Variants in KCNC4 observed in about 807,000 individuals in gnomAD.
KCNC4 encodes voltage-gated potassium channel KCNC4.
A neutral mutation model predicts 42.8 loss-of-function variants in KCNC4; 23 were observed. The ratio of observed to expected loss-of-function variants is 0.54; its 90% CI spans 0.39 to 0.76. The LOEUF (loss-of-function observed/expected upper bound fraction) is 0.76. KCNC4 is among the 30% of genes least tolerant of loss of function. The probability of loss-of-function intolerance (pLI) is 0.00; values close to 1 mark genes in which losing one functional copy is unlikely to be tolerated. For synonymous variants in KCNC4, 422 were observed against 393.5 expected (o/e 1.07, Z -0.86); for missense variants, 751 against 898.2 (o/e 0.84, Z 2.10).
intron 1 of KCNC4, among the ~76,000 whole-genome samples, chr1:110,265,848 C>T (rs921018848): frequency 6.6e-6 from 1 of 152,138 alleles, no homozygotes; most frequent in Non-Finnish European, 1.5e-5. Context: ...GTTGACCCTC[C>T]CAAGTGACTT....
chr1:110,214,441 G>A (rs1340861753), intron 1 of KCNC4, among the ~76,000 whole-genome samples: 3 of 152,196 alleles, frequency 2.0e-5, no homozygotes, highest in South Asian at 4.2e-4. Context: ...ACCTGCTCCC[G>A]GGACACACAA....
downstream of KCNC4, among the ~76,000 whole-genome samples, chr1:110,251,612 G>C (rs1393162178): frequency 6.6e-6 from 1 of 152,224 alleles, no homozygotes; most frequent in Non-Finnish European, 1.5e-5. Context: ...AGTAGAAAGT[G>C]ACAGAATTTG....
chr1:110,240,191 TC>T (rs1165453542), exon 4 of KCNC4: 18 of 152,166 alleles, frequency 1.2e-4, no homozygotes, highest in African/African-American at 4.1e-4. Flanking sequence ...CTTCCAGTCT[TC>T]CTGGACTCGG....
intron 1 of KCNC4, among the ~76,000 whole-genome samples, chr1:110,279,214 G>A (rs547008118): frequency 6.6e-6 from 1 of 152,298 alleles, no homozygotes; most frequent in African/African-American, 2.4e-5. Context: ...CATTGAGCTG[G>A]AGCATGGCTA....
At position 110,226,039 on chromosome 1, in the gene KCNC4, A is replaced by C. The variant is rs945183018; in HGVS notation, c.1680A>C (p.Gln560His). 6.2e-7 allele frequency: 1 copy of C among 1,613,160 alleles called. No individual in the cohort carries two copies. The highest frequency in any genetic ancestry group is 1.1e-5 in the South Asian group (1 of 90,992). ...ATGAGGAGGGAGCTGGCCTCACCCA[A>C]CCCCTGGCCTCCTCCCCGACCCCCG... The part of the protein sequence containing the change: ...LSDEEGAGLT[Q>H]PLASSPTPEE... Residue 560 changes from glutamine to histidine, a missense_variant, in exon 3 of 4, where the codon CAA becomes CAC. Physicochemically the swap from Gln to His is conservative, Grantham distance 24 (BLOSUM62 0). Around this residue, in one of 4 missense-constraint regions of KCNC4, gnomAD observed 202 missense variants for 181.5 expected, o/e 1.11. Transcript: ENST00000438661.
Position 110,232,980 on chromosome 1 carries a change from C to G in KCNC4, c.*8C>G, listed in dbSNP as rs749082125. On this transcript the variant is annotated 3_prime_UTR_variant, in exon 4 of 4. Transcript: ENST00000438661. ...GTCCTCACCCTCTCTTAAAGCGGCACCAACGTGAGAGAGACAGGCAGACAG... is the reference window on the plus strand; with the variant it reads ...GTCCTCACCCTCTCTTAAAGCGGCAGCAACGTGAGAGAGACAGGCAGACAG... 6.2e-7 allele frequency: 1 copy of G among 1,609,630 alleles called. No homozygotes were observed. The highest frequency in any genetic ancestry group is 2.2e-5 in the East Asian group (1 of 44,796).
At chr1:110,214,010 A>G (rs545220822) in intron 1 of KCNC4, among the ~76,000 whole-genome samples, 12 of 152,288 alleles carry the variant, frequency 7.9e-5, no homozygotes, top group African/African-American at 2.9e-4. Context: ...CTGGAATTCC[A>G]GGTGGCACCC....
rs980830144 is a variant in KCNC4, at chr1:110,211,242, C to T, written c.-258C>T. The T allele has an allele frequency of 3.8e-6, 2 of 527,442 alleles. No individual in the cohort carries two copies. The highest frequency in any genetic ancestry group is 5.0e-4 in the Middle Eastern group (1 of 1,992). 32.7% of individuals were successfully genotyped at this position (527,442 alleles called of 1,614,324 possible). On this transcript the variant is annotated 5_prime_UTR_variant, in exon 1 of 4. Coordinates refer to ENST00000438661, the MANE Select transcript of KCNC4 (RefSeq NM_001039574.3). The surrounding 1 kb of genome is among the most constrained non-coding windows in gnomAD (Gnocchi z 6.5). ...GCGTGTGTGCTTGCTTCTACTTCCC[C>T]GGGTCCTCCCTCTCTGCGCCTCCCT... is the stretch of plus-strand genomic sequence containing the variant.
chr1:110,212,372 A>T, intron 1 of KCNC4, among the ~76,000 whole-genome samples, 195 bp downstream of exon 1: 1 of 152,084 alleles, frequency 6.6e-6, no homozygotes, highest in Non-Finnish European at 1.5e-5. Flanking sequence ...TGCACGCTCC[A>T]TCAGGAGATT....
intron 3 of KCNC4, among the ~76,000 whole-genome samples, chr1:110,230,805 T>G (rs780004425): frequency 6.6e-6 from 1 of 152,204 alleles, no homozygotes; most frequent in African/African-American, 2.4e-5. Flanking sequence ...CCTCTGGGCC[T>G]GCCCAGGGCC....
At chr1:110,227,490 C>T (rs1450511009) in intron 3 of KCNC4, among the ~76,000 whole-genome samples, 3 of 152,328 alleles carry the variant, frequency 2.0e-5, no homozygotes, top group African/African-American at 4.8e-5. Flanking sequence ...GGTCCAGCAA[C>T]CCCAGCAAAA....
chr1:110,276,239 TTCACCACTATATAATA>T lies in KCNC4; in HGVS notation n.31-6293_31-6278del, dbSNP rs1659722111. Among the ~76,000 whole-genome samples, 3 of 147,158 alleles carry T rather than the reference TTCACCACTATATAATA, an allele frequency of 2.0e-5. No individual in the cohort carries two copies. In the South Asian group the frequency reaches 6.4e-4, roughly 31 times the overall value. On this transcript the variant is annotated intron_variant and non_coding_transcript_variant, in intron 1 of 2. Transcript: ENST00000412512. ...TGAAGGTTACACTAAAAGCCCAGACTTCACCACTATATAATATATCCATGTAAAAAAAGCTGCACTT... is the reference window on the plus strand; with the variant it reads ...TGAAGGTTACACTAAAAGCCCAGACTTATCCATGTAAAAAAAGCTGCACTT...
rs769975544 is a variant in KCNC4, at chr1:110,223,985, G to A, written c.1615+85G>A. 5 of 1,128,914 alleles carry A rather than the reference G, an allele frequency of 4.4e-6. No individual in the cohort carries two copies. Among genetic ancestry groups the A allele is most frequent in the Non-Finnish European group, 6.3e-6 (5 of 796,478 alleles). The allele number at this position is 1,128,914 out of a possible 1,614,324, so 69.9% of individuals were successfully genotyped here. ...AATGGACCTCAGACCTTGGGATTTG[G>A]CATGTGTTTTGTGTGGGGCTTCCCT... On this transcript the variant is annotated intron_variant, in intron 2 of 3. Transcript: ENST00000438661. The surrounding 1 kb of genome is among the most constrained non-coding windows in gnomAD (Gnocchi z 7.5).
At chr1:110,222,756 A>G in intron 1 of KCNC4, 1 of 562,156 alleles carries the variant, frequency 1.8e-6, no homozygotes, top group Non-Finnish European at 3.2e-6. Flanking sequence ...CTTTTGTGAC[A>G]AAGATTGGGA....
chr1:110,256,109 C>T (rs1659323332), intron 1 of KCNC4, among the ~76,000 whole-genome samples: 1 of 152,202 alleles, frequency 6.6e-6, no homozygotes, highest in South Asian at 2.1e-4. Context: ...TGGCACTGTA[C>T]AGGACCATCT....
chr1:110,229,716 G>A (rs1285287704), intron 3 of KCNC4, among the ~76,000 whole-genome samples: 1 of 152,126 alleles, frequency 6.6e-6, no homozygotes, highest in African/African-American at 2.4e-5. Flanking sequence ...TACACCTTGC[G>A]CAGGGGCAGC....
chr1:110,268,610 G>GAAAAAAAAAA (rs1177241176), intron 1 of KCNC4, among the ~76,000 whole-genome samples: 9 of 81,720 alleles, frequency 1.1e-4, no homozygotes, highest in African/African-American at 4.1e-4. Flanking sequence ...TGTCTCAAAA[G>GAAAAAAAAAA]AAAAAAAAAA....
chr1:110,268,756 C>A (rs1165252436), intron 1 of KCNC4, among the ~76,000 whole-genome samples: 2 of 140,242 alleles, frequency 1.4e-5, no homozygotes, highest in Non-Finnish European at 3.1e-5. Flanking sequence ...GAGACGGAGT[C>A]TCGCTGTGTC....
chr1:110,231,148 C>T (rs893110325), intron 3 of KCNC4, among the ~76,000 whole-genome samples: 3 of 152,190 alleles, frequency 2.0e-5, no homozygotes, highest in African/African-American at 7.2e-5. Flanking sequence ...GACCAATTTT[C>T]AGGGCTTCTG....
Sources: allele counts gnomAD v4.1 joint callset (sites outside exome capture counted in the v4.1 genomes callset), GRCh38; gene constraint gnomAD v4.1.1; regional missense constraint gnomAD v4.1.1; non-coding constraint Gnocchi (gnomAD v3.1); transcripts MANE v1.5; gene names NCBI Gene and HGNC (gene_info 2026-07-23, HGNC 2026-07-21).